TENM2: variants seen among roughly 807,000 people sequenced by gnomAD.
The protein encoded by TENM2 is teneurin transmembrane protein 2.
Under a neutral mutation model 245.2 loss-of-function variants are expected in TENM2, and 52 were observed. The observed-to-expected ratio is 0.21, with a 90% confidence interval of 0.17 to 0.27. The LOEUF is 0.27. TENM2 is among the 10% of genes least tolerant of loss of function. TENM2 has a pLI of 1.00. For missense variants in TENM2, 3,046 were observed against 3,666.8 expected, an observed-to-expected ratio of 0.83 and a Z score of 4.37; for synonymous variants, 1,363 against 1,438.9, an observed-to-expected ratio of 0.95 and a Z score of 1.19.
chr5:167,679,207 T>G (rs541272084), intron 2 of TENM2, among the ~76,000 whole-genome samples: 2 of 152,154 alleles, frequency 1.3e-5, no homozygotes, highest in Non-Finnish European at 2.9e-5. Flanking sequence ...TACCCTGTTA[T>G]CATCTACTTA....
rs1195343642 is a variant in TENM2, at chr5:167,640,896, T to C, written c.503-235090T>C. On this transcript the variant is annotated intron_variant, in intron 2 of 28. Transcript: ENST00000518659. ...ATATATATATATATATATATATATA[T>C]ATATATATATCTTTCTCTTAAGCTT... 2.0e-4 allele frequency among the ~76,000 whole-genome samples: 20 copies of C among 99,492 alleles called. 1 individual carries two copies. In the South Asian group the frequency reaches 2.4e-3, roughly 12 times the overall value. The allele number at this position is 99,492 out of a possible 152,430, so 65.3% of individuals were successfully genotyped here.
At chr5:167,952,900 C>T (rs928923917) in intron 4 of TENM2, 78 bp downstream of exon 6, 11 of 1,205,312 alleles carry the variant, frequency 9.1e-6, no homozygotes, top group South Asian at 5.3e-5. Context: ...CACTGGGTGT[C>T]TCAGAGTTCC....
At chr5:167,080,965 T>C in the TENM2 span, among the ~76,000 whole-genome samples, 4 of 152,078 alleles carry the variant, frequency 2.6e-5, no homozygotes, top group African/African-American at 7.2e-5. Flanking sequence ...TATTTTCCTA[T>C]GCTATTTTTT....
intron 2 of TENM2, among the ~76,000 whole-genome samples, chr5:167,816,248 G>A (rs76762275): frequency 0.02 from 3,019 of 152,188 alleles, 109 homozygotes; most frequent in African/African-American, 0.069. Context: ...CTCCCTTCCT[G>A]TATTCCCTTT....
rs938547691 is a variant in TENM2, at chr5:168,022,984, C to G, written c.1187-24443C>G. Among the ~76,000 whole-genome samples, 20 of 152,270 alleles carry G rather than the reference C, an allele frequency of 1.3e-4. No individual in the cohort carries two copies. In the East Asian group the frequency reaches 3.9e-3, roughly 29 times the overall value. On this transcript the variant is annotated intron_variant, in intron 5 of 28. Transcript: ENST00000518659. ...CTATTAAACACCCCACACCCCACTC[C>G]CCTGTCGTTCTCTAAGCAATGGAAG...
intron 2 of TENM2, among the ~76,000 whole-genome samples, chr5:167,641,455 G>A (rs1779608747): frequency 6.6e-6 from 1 of 152,008 alleles, no homozygotes; most frequent in Non-Finnish European, 1.5e-5. Flanking sequence ...GATGGTTCAG[G>A]AAAAACAACA....
At chr5:168,217,042 G>C (rs116351321) in intron 22 of TENM2, 120 bp downstream of exon 24, 4 of 1,151,058 alleles carry the variant, frequency 3.5e-6, no homozygotes, top group African/African-American at 3.1e-5. Context: ...TACAGATCAC[G>C]GGGTTGTTTG....
At chr5:168,127,460 G>A (rs1028881255) in intron 12 of TENM2, among the ~76,000 whole-genome samples, 8 of 152,090 alleles carry the variant, frequency 5.3e-5, no homozygotes, top group East Asian at 1.9e-4. Flanking sequence ...CACCACCACC[G>A]TCATTACATG....
chr5:167,587,169 C>A (rs1775565057), intron 2 of TENM2, among the ~76,000 whole-genome samples: 1 of 152,162 alleles, frequency 6.6e-6, no homozygotes, highest in Non-Finnish European at 1.5e-5. Flanking sequence ...AACTCCAACT[C>A]CCTTATCACT....
the TENM2 span, among the ~76,000 whole-genome samples, chr5:167,087,880 C>G: frequency 1.7e-3 from 258 of 151,954 alleles, 5 homozygotes; most frequent in East Asian, 0.041. Context: ...ACCTCTGCCT[C>G]GTGGGTTCCA....
chr5:167,842,418 A>G lies in TENM2; in HGVS notation c.503-33568A>G, dbSNP rs565014381. 2.6e-5 allele frequency among the ~76,000 whole-genome samples: 4 copies of G among 151,896 alleles called. No homozygotes were observed. The South Asian group carries it at 6.3e-4, about 24-fold the overall frequency. ...AGCCTGGCCAACTTGGTGAAAGACTATCTCTACTAAAAATACAAAAATTAG... is the reference window on the plus strand; with the variant it reads ...AGCCTGGCCAACTTGGTGAAAGACTGTCTCTACTAAAAATACAAAAATTAG... On this transcript the variant is annotated intron_variant, in intron 2 of 28. Transcript: ENST00000518659.
chr5:167,533,518 T>A, intron 2 of TENM2, among the ~76,000 whole-genome samples: 1 of 152,106 alleles, frequency 6.6e-6, no homozygotes, highest in Admixed American at 6.5e-5. Context: ...CATGGTGCAA[T>A]CATGGCTCAC....
chr5:167,055,623 A>C, the TENM2 span, among the ~76,000 whole-genome samples: 1 of 152,042 alleles, frequency 6.6e-6, no homozygotes, highest in Non-Finnish European at 1.5e-5. Context: ...GATCTTGTGC[A>C]TATTTTGTCA....
chr5:167,704,127 T>G (rs1758346079), intron 2 of TENM2, among the ~76,000 whole-genome samples: 1 of 152,196 alleles, frequency 6.6e-6, no homozygotes, highest in African/African-American at 2.4e-5. Flanking sequence ...TTGGATTACC[T>G]TGCTTAAAGC....
the TENM2 span, among the ~76,000 whole-genome samples, chr5:167,107,616 A>G: frequency 6.6e-6 from 1 of 152,184 alleles, no homozygotes; most frequent in Non-Finnish European, 1.5e-5. Context: ...TCTCGCTTCC[A>G]CTAGGTAAGA....
At position 168,244,048 on chromosome 5, in the gene TENM2, C is replaced by T. The variant is rs895737155; in HGVS notation, c.5521-372C>T. On this transcript the variant is annotated intron_variant, in intron 25 of 28. Coordinates refer to ENST00000518659, the Ensembl canonical transcript of TENM2. The surrounding 1 kb of genome is among the most constrained non-coding windows in gnomAD (Gnocchi z 4.9). Reference sequence around the variant, plus strand: ...CCACCTCCCAGGTTCAAGTGATTCTCCTGCCTCAGCCTCCCAGTAGCTGGA... The same window carrying T: ...CCACCTCCCAGGTTCAAGTGATTCTTCTGCCTCAGCCTCCCAGTAGCTGGA... 6.6e-6 allele frequency among the ~76,000 whole-genome samples: 1 copy of T among 151,258 alleles called. No homozygotes were observed. The highest frequency in any genetic ancestry group is 2.1e-4 in the South Asian group (1 of 4,746).
At chr5:168,219,534 T>C (rs1163920968) in intron 23 of TENM2, among the ~76,000 whole-genome samples, 1 of 152,150 alleles carries the variant, frequency 6.6e-6, no homozygotes, top group Admixed American at 6.5e-5. Flanking sequence ...TCATACTTAA[T>C]AGTCCTGACG....
chr5:167,994,641 C>T (rs1783916485), intron 5 of TENM2, among the ~76,000 whole-genome samples: 1 of 152,190 alleles, frequency 6.6e-6, no homozygotes, highest in Non-Finnish European at 1.5e-5. Flanking sequence ...TTGCATTTCT[C>T]AGGAATGCCC....
At chr5:167,173,200 T>C in the TENM2 span, among the ~76,000 whole-genome samples, 1 of 152,176 alleles carries the variant, frequency 6.6e-6, no homozygotes, top group Non-Finnish European at 1.5e-5. Flanking sequence ...CCTTGGACTG[T>C]GCTCTTTTTA....
Sources: gnomAD v4.1 joint callset for allele counts (sites outside exome capture counted in the v4.1 genomes callset) on GRCh38, gnomAD v4.1.1 for gene constraint, Gnocchi (gnomAD v3.1) non-coding constraint, MANE v1.5 for transcripts, NCBI Gene and HGNC (gene_info 2026-07-23, HGNC 2026-07-21) for gene names.